The following RABL6 variants were observed in gnomAD, a reference collection of about 807,000 sequenced individuals.
The protein encoded by RABL6 is rab-like protein 6.
In RABL6, 28 loss-of-function variants were observed where a neutral mutation model predicts 72.9. That is an observed-to-expected ratio of 0.38 (90% confidence interval 0.28 to 0.53). The LOEUF (loss-of-function observed/expected upper bound fraction) is 0.53, where lower values mean the gene tolerates loss of function less well. Ranked by LOEUF, RABL6 falls within the 20% of genes least tolerant of loss-of-function variation. RABL6 has a pLI of 0.80. For synonymous variants in RABL6, 477 were observed against 421.2 expected (o/e 1.13, Z -1.62); for missense variants, 1,029 against 1,008.4 (o/e 1.02, Z -0.28).
At position 136,840,785 on chromosome 9, in the gene RABL6, A is replaced by G. The variant is rs1455452846; in HGVS notation, c.*263A>G. 4.5e-6 allele frequency: 7 copies of G among 1,547,760 alleles called. No individual in the cohort carries two copies. The highest frequency in any genetic ancestry group is 2.2e-4 in the Middle Eastern group (1 of 4,516). ...GTGGACACCCTGGCCCTCTCGGGGC[A>G]GAGCCGCCAGTGTTTCTCAGGGATG... is the stretch of plus-strand genomic sequence containing the variant. On this transcript the variant is annotated 3_prime_UTR_variant, in exon 15 of 15. Coordinates refer to ENST00000311502, the MANE Select transcript of RABL6 (RefSeq NM_024718.5).
intron 5 of RABL6, among the ~76,000 whole-genome samples, chr9:136,830,369 G>A (rs547385630): frequency 6.6e-6 from 1 of 152,354 alleles, no homozygotes; most frequent in South Asian, 2.1e-4. Context: ...TGCCAATGCT[G>A]GGAACCATGC....
Position 136,840,008 on chromosome 9 carries a change from G to A in RABL6, c.1930+143G>A, listed in dbSNP as rs939589342. On this transcript the variant is annotated intron_variant, in intron 13 of 14. Coordinates refer to ENST00000311502, the MANE Select transcript of RABL6 (RefSeq NM_024718.5). ...CTCCTGGCAGCCCCCTGCAGGAGCT[G>A]ATGTTTGCAGTGTGGTCCTGTCCAT... 6.8e-6 allele frequency: 10 copies of A among 1,475,484 alleles called. No homozygotes were observed. In the African/African-American group the frequency reaches 9.7e-5, roughly 14 times the overall value. 91.4% of individuals were successfully genotyped at this position (1,475,484 alleles called of 1,614,324 possible). A position where few individuals can be genotyped will look rare whatever the true frequency, so the allele number is the denominator to read the frequency against.
At chr9:136,824,689 G>T (rs927215970) in intron 2 of RABL6, among the ~76,000 whole-genome samples, 1 of 151,984 alleles carries the variant, frequency 6.6e-6, no homozygotes, top group African/African-American at 2.4e-5. Flanking sequence ...TGGGTTACTA[G>T]TGGGAGGCAA....
intron 4 of RABL6, 84 bp from the exon 5 acceptor site, chr9:136,829,309 C>A: frequency 2.0e-6 from 2 of 995,934 alleles, no homozygotes; most frequent in Non-Finnish European, 1.6e-6. Context: ...GATTAGAAGA[C>A]TATCCAGCCT....
intron 10 of RABL6, among the ~76,000 whole-genome samples, chr9:136,838,352 G>A (rs903410242): frequency 4.6e-5 from 7 of 152,192 alleles, no homozygotes; most frequent in African/African-American, 1.7e-4. Flanking sequence ...GTCTCCACAG[G>A]GCCAGGATCC....
At chr9:136,810,679 C>CTA (rs980819457) in intron 1 of RABL6, among the ~76,000 whole-genome samples, 4 of 152,092 alleles carry the variant, frequency 2.6e-5, no homozygotes, top group Non-Finnish European at 5.9e-5. Context: ...GTAGCTGGGA[C>CTA]TATAGGCACC....
intron 1 of RABL6, chr9:136,812,833 C>T (rs1848041621): frequency 5.9e-6 from 2 of 338,278 alleles, no homozygotes; most frequent in East Asian, 1.6e-4. Flanking sequence ...CTCTGCCTCC[C>T]CAGAAGCTGC....
chr9:136,822,293 G>T (rs965663687), intron 1 of RABL6, among the ~76,000 whole-genome samples: 1 of 152,180 alleles, frequency 6.6e-6, no homozygotes, highest in African/African-American at 2.4e-5. Context: ...GGAGCCTGCA[G>T]ACCTGCTCCT....
chr9:136,813,349 A>G, intron 1 of RABL6: 1 of 854,984 alleles, frequency 1.2e-6, no homozygotes, highest in East Asian at 2.7e-5. Context: ...CTTGTCTCAG[A>G]TTCTTTCTGA....
Position 136,840,859 on chromosome 9 carries a change from G to A in RABL6, c.*337G>A, listed in dbSNP as rs1449992838. ...GTGAGGGTCTGTTTACAGAGGCTGG[G>A]CAGGGGCCGCTTGGCTGTGGGGTGT... is the stretch of plus-strand genomic sequence containing the variant. On this transcript the variant is annotated 3_prime_UTR_variant, in exon 15 of 15. Transcript: ENST00000311502. 1 of 1,540,044 alleles carries A rather than the reference G, an allele frequency of 6.5e-7. No individual in the cohort carries two copies. The highest frequency in any genetic ancestry group is 1.2e-5 in the South Asian group (1 of 83,644).
chr9:136,816,724 A>G lies in RABL6; in HGVS notation c.131-6801A>G, dbSNP rs1256660740. 9.6e-4 allele frequency among the ~76,000 whole-genome samples: 109 copies of G among 113,190 alleles called. 2 individuals are homozygous for G. The highest frequency in any genetic ancestry group is 5.7e-4 in the Non-Finnish European group (30 of 52,946). 74.3% of individuals were successfully genotyped at this position (113,190 alleles called of 152,430 possible). A position where few individuals can be genotyped will look rare whatever the true frequency, so the allele number is the denominator to read the frequency against. The stretch of plus-strand genomic sequence containing the variant: ...AGAGTGAGACTCTGTCTCAAAAAAA[A>G]GGGGGGGGGGGTAATTTTTTAAAAT... On this transcript the variant is annotated intron_variant, in intron 1 of 14. Coordinates refer to ENST00000311502, the MANE Select transcript of RABL6 (RefSeq NM_024718.5).
At chr9:136,825,574 T>C (rs947050031) in intron 2 of RABL6, among the ~76,000 whole-genome samples, 3 of 152,108 alleles carry the variant, frequency 2.0e-5, no homozygotes, top group African/African-American at 4.8e-5. Flanking sequence ...GCATTCAGTT[T>C]GTCACTGAAG....
At position 136,815,926 on chromosome 9, in the gene RABL6, G is replaced by A. The variant is rs904640160; in HGVS notation, c.131-7599G>A. 2.0e-5 allele frequency among the ~76,000 whole-genome samples: 3 copies of A among 152,178 alleles called. No homozygotes were observed. The East Asian group carries it at 5.8e-4, about 29-fold the overall frequency. ...TGTTCACATCCCGTTTAGTAAAAGAGCAGGTTTACCATGAGGTTAAGTACA... is the reference window on the plus strand; with the variant it reads ...TGTTCACATCCCGTTTAGTAAAAGAACAGGTTTACCATGAGGTTAAGTACA... On this transcript the variant is annotated intron_variant, in intron 1 of 14. Coordinates refer to ENST00000311502, the MANE Select transcript of RABL6 (RefSeq NM_024718.5).
chr9:136,827,061 T>C (rs2811751), intron 3 of RABL6: 113,609 of 152,232 alleles, frequency 0.75, 43,316 homozygotes, highest in Middle Eastern at 0.9. Context: ...AGAGGCCGCC[T>C]GGCCCTGGGC....
chr9:136,833,678 T>C (rs1461418128), intron 7 of RABL6: 7 of 1,548,592 alleles, frequency 4.5e-6, no homozygotes, highest in Non-Finnish European at 6.1e-6. Flanking sequence ...CTGGGGGACC[T>C]GGGGCCCAGC....
At chr9:136,816,000 T>C (rs78500376) in intron 1 of RABL6, among the ~76,000 whole-genome samples, 1,580 of 152,304 alleles carry the variant, frequency 0.01, 38 homozygotes, top group African/African-American at 0.037. Flanking sequence ...CTAAAGGTTT[T>C]CCAGGAGAAT....
chr9:136,834,382 C>T, intron 7 of RABL6: 1 of 990,186 alleles, frequency 1.0e-6, no homozygotes, highest in Non-Finnish European at 1.2e-6. Context: ...AGAGTAGGAT[C>T]CAGAGTTCAC....
intron 1 of RABL6, chr9:136,814,337 A>AC: frequency 6.1e-6 from 1 of 163,230 alleles, no homozygotes; most frequent in Non-Finnish European, 1.3e-5. Context: ...ACGCACCACT[A>AC]CGCCCGGCTA....
intron 1 of RABL6, chr9:136,821,700 AGC>A: frequency 9.9e-7 from 1 of 1,014,308 alleles, no homozygotes; most frequent in South Asian, 3.6e-5. Context: ...GGCTGCGCTG[AGC>A]GCCTGCGGCT....
Sources: allele counts gnomAD v4.1 joint callset (sites outside exome capture counted in the v4.1 genomes callset), GRCh38; gene constraint gnomAD v4.1.1; transcripts MANE v1.5; gene names NCBI Gene and HGNC (gene_info 2026-07-23, HGNC 2026-07-21).